HIPK3: variants seen among roughly 807,000 people sequenced by gnomAD.
The protein encoded by HIPK3 is homeodomain-interacting protein kinase 3.
In HIPK3, 47 loss-of-function variants were observed where a neutral mutation model predicts 124.2. That is an observed-to-expected ratio of 0.38 (90% confidence interval 0.30 to 0.48). HIPK3 has a LOEUF of 0.48. HIPK3 is among the 20% of genes least tolerant of loss of function. The pLI is 0.98. For synonymous variants in HIPK3, 482 were observed against 515.2 expected, an observed-to-expected ratio of 0.94 and a Z score of 0.87; for missense variants, 1,286 against 1,454.3, an observed-to-expected ratio of 0.88 and a Z score of 1.88.
chr11:33,302,845 A>C (rs758131758), intron 2 of HIPK3, among the ~76,000 whole-genome samples: 61 of 152,214 alleles, frequency 4.0e-4, no homozygotes, highest in Non-Finnish European at 7.6e-4. Flanking sequence ...AATGAGTTAA[A>C]GTATGTATTT....
intron 8 of HIPK3, among the ~76,000 whole-genome samples, chr11:33,346,956 A>C (rs549103036): frequency 1.2e-4 from 19 of 152,306 alleles, no homozygotes; most frequent in Middle Eastern, 3.4e-3. Flanking sequence ...TGGGAGGCCG[A>C]GGTAGGAGGA....
intron 2 of HIPK3, among the ~76,000 whole-genome samples, chr11:33,301,515 A>G (rs575419545): frequency 1.3e-5 from 2 of 151,694 alleles, no homozygotes; most frequent in African/African-American, 4.8e-5. Context: ...GGTGAGGTAT[A>G]GTGTCTAATG....
chr11:33,314,889 AG>A (rs2133949104), intron 2 of HIPK3, among the ~76,000 whole-genome samples: 1 of 152,342 alleles, frequency 6.6e-6, no homozygotes. Flanking sequence ...GATAAATTTA[AG>A]ACATAATTGG....
intron 2 of HIPK3, among the ~76,000 whole-genome samples, chr11:33,319,827 G>A (rs1007063213): frequency 1.4e-4 from 21 of 152,168 alleles, no homozygotes; most frequent in Non-Finnish European, 2.6e-4. Context: ...AGAGGAAATA[G>A]ATAATAAGCC....
intron 2 of HIPK3, among the ~76,000 whole-genome samples, chr11:33,306,014 G>C (rs1852148042): frequency 6.6e-6 from 1 of 152,050 alleles, no homozygotes; most frequent in African/African-American, 2.4e-5. Context: ...CTACAGGTGG[G>C]CATGCTACTG....
chr11:33,316,726 A>G (rs1185340055), intron 2 of HIPK3, among the ~76,000 whole-genome samples: 1 of 152,092 alleles, frequency 6.6e-6, no homozygotes. Flanking sequence ...GGGATGCTGG[A>G]GGGAGGAGGA....
In HIPK3 at chr11:33,354,695, A is replaced by G. The variant is rs1241581908; in HGVS notation, c.*1127A>G. ...GTGCAATTTTTGATTTATGCATGTG[A>G]GAGGGTTTTTTTTTTTTTTAAGTAT... is the stretch of plus-strand genomic sequence containing the variant. On this transcript the variant is annotated 3_prime_UTR_variant, in exon 17 of 17. Transcript: ENST00000303296. The G allele has an allele frequency of 9.3e-6, 1 of 108,104 alleles. No individual in the cohort carries two copies. Among genetic ancestry groups the G allele is most frequent in the Non-Finnish European group, 2.3e-5 (1 of 44,232 alleles). The allele number at this position is 108,104 out of a possible 1,614,324, so 6.7% of individuals were successfully genotyped here. A position where few individuals can be genotyped will look rare whatever the true frequency, so the allele number is the denominator to read the frequency against.
chr11:33,274,783 C>A lies in HIPK3; in HGVS notation c.-2-11630C>A, dbSNP rs1004120434. The stretch of plus-strand genomic sequence containing the variant: ...TTTGTACTGGCAGGGTGATTTCTAG[C>A]AGCTTTGAAATGTCCAACAGGTCAT... On this transcript the variant is annotated intron_variant, in intron 1 of 16. Transcript: ENST00000303296. Among the ~76,000 whole-genome samples, 5 of 152,116 alleles carry A rather than the reference C, an allele frequency of 3.3e-5. No individual in the cohort carries two copies. In the South Asian group the frequency reaches 6.2e-4, roughly 19 times the overall value.
chr11:33,282,351 C>T (rs1415642530), intron 1 of HIPK3, among the ~76,000 whole-genome samples: 1 of 150,910 alleles, frequency 6.6e-6, no homozygotes, highest in Non-Finnish European at 1.5e-5. Context: ...TGCCATTGCA[C>T]TTTAGTCTGG....
chr11:33,263,934 A>G (rs1850890326), intron 1 of HIPK3, among the ~76,000 whole-genome samples: 1 of 152,200 alleles, frequency 6.6e-6, no homozygotes, highest in Non-Finnish European at 1.5e-5. Context: ...ACTATAGAAC[A>G]TAATATTGCT....
intron 1 of HIPK3, 79 bp downstream of exon 1, chr11:33,257,968 C>T: frequency 4.1e-6 from 4 of 976,014 alleles, no homozygotes; most frequent in Non-Finnish European, 4.9e-6. Context: ...GGCCAGCGGA[C>T]CCCAAGCCTG....
intron 6 of HIPK3, 123 bp downstream of exon 6, chr11:33,339,657 C>G: frequency 1.5e-6 from 1 of 669,344 alleles, no homozygotes; most frequent in East Asian, 2.6e-5. Context: ...AGAGGCTAAG[C>G]TAACTTGACC....
At chr11:33,344,402 T>C (rs1341808936) in intron 8 of HIPK3, among the ~76,000 whole-genome samples, 3 of 152,236 alleles carry the variant, frequency 2.0e-5, no homozygotes, top group Non-Finnish European at 4.4e-5. Flanking sequence ...AGATTTAGAA[T>C]AGCAGGTTTT....
At chr11:33,298,635 A>G (rs1278591584) in intron 2 of HIPK3, among the ~76,000 whole-genome samples, 1 of 152,256 alleles carries the variant, frequency 6.6e-6, no homozygotes, top group Non-Finnish European at 1.5e-5. Context: ...GGCAGCATTA[A>G]CAGGAATTTG....
chr11:33,308,682 A>G (rs2133938894), intron 2 of HIPK3, among the ~76,000 whole-genome samples: 1 of 148,982 alleles, frequency 6.7e-6, no homozygotes, highest in Non-Finnish European at 1.5e-5. Flanking sequence ...TGAATCTCTT[A>G]ATAGCTTTCC....
intron 1 of HIPK3, among the ~76,000 whole-genome samples, chr11:33,266,941 CTT>C (rs1850981826): frequency 6.6e-6 from 1 of 152,016 alleles, no homozygotes; most frequent in African/African-American, 2.4e-5. Context: ...ATACAGTTCT[CTT>C]GTTTTCTCGT....
chr11:33,351,825 G>A lies in HIPK3; in HGVS notation c.3025G>A (p.Glu1009Lys), dbSNP rs1174240007. The stretch of plus-strand genomic sequence containing the variant: ...ACTAGAAAATGGCTTAAATGCCGAT[G>A]AGCATATGGCAAACACAGGTAAGTT... The part of the protein sequence containing the change: ...VELENGLNAD[E>K]HMANTDSICQ... The change falls in exon 15 of 17, where the codon GAG (glutamate) becomes AAG (lysine). Residue 1009 changes from glutamate (E) to lysine (K), a missense_variant. Physicochemically the swap from Glu to Lys is moderately conservative, Grantham distance 56 (BLOSUM62 1). This residue lies in a region of HIPK3 where 810 missense variants were observed against 864.9 expected (regional missense o/e 0.94). Coordinates refer to ENST00000303296, the MANE Select transcript of HIPK3 (RefSeq NM_005734.5). 3 of 1,613,494 alleles carry A rather than the reference G, an allele frequency of 1.9e-6. No individual in the cohort carries two copies. The highest frequency in any genetic ancestry group is 2.2e-5 in the East Asian group (1 of 44,876).
intron 1 of HIPK3, among the ~76,000 whole-genome samples, chr11:33,273,811 G>A (rs934339543): frequency 9.9e-5 from 15 of 152,040 alleles, no homozygotes; most frequent in African/African-American, 3.4e-4. Flanking sequence ...CTATACTCAA[G>A]CTTATGCAGC....
rs58073130 is a variant in HIPK3, at chr11:33,342,102, C to CAAAAAA, written c.1897+436_1897+441dup. Reference sequence around the variant, plus strand: ...TGGGCGACAGAGTGAGACTCTGTCTCAAAAAAAAAAAAAAAAAAAAAAAAA... The same window carrying CAAAAAA: ...TGGGCGACAGAGTGAGACTCTGTCTCAAAAAAAAAAAAAAAAAAAAAAAAAAAAAAA... On this transcript the variant is annotated intron_variant, in intron 8 of 16. Transcript: ENST00000303296. 3.1e-4 allele frequency among the ~76,000 whole-genome samples: 17 copies of CAAAAAA among 55,574 alleles called. 1 individual carries two copies. Among genetic ancestry groups the CAAAAAA allele is most frequent in the African/African-American group, 1.1e-3 (14 of 13,252 alleles). The allele number at this position is 55,574 out of a possible 152,430, so 36.5% of individuals were successfully genotyped here.
Sources: gnomAD v4.1 joint callset for allele counts (sites outside exome capture counted in the v4.1 genomes callset) on GRCh38, gnomAD v4.1.1 for gene constraint, gnomAD v4.1.1 regional missense constraint, MANE v1.5 for transcripts, NCBI Gene and HGNC (gene_info 2026-07-23, HGNC 2026-07-21) for gene names.